Variants in SLC4A4 observed in about 807,000 individuals in gnomAD.
SLC4A4 encodes solute carrier family 4 member 4.
A neutral mutation model predicts 111.5 loss-of-function variants in SLC4A4; 27 were observed. The ratio of observed to expected loss-of-function variants is 0.24; its 90% confidence interval spans 0.18 to 0.33. The LOEUF (loss-of-function observed/expected upper bound fraction) is 0.33, where lower values mean the gene tolerates loss of function less well. SLC4A4 is among the 10% of genes least tolerant of loss of function. The pLI is 1.00. For missense variants in SLC4A4, 909 were observed against 1,315.5 expected, an observed-to-expected ratio of 0.69 and a Z score of 4.78; for synonymous variants, 443 against 463.4, an observed-to-expected ratio of 0.96 and a Z score of 0.57.
intron 14 of SLC4A4, among the ~76,000 whole-genome samples, chr4:71,474,610 A>G (rs1468317327): frequency 1.3e-5 from 2 of 151,890 alleles, no homozygotes; most frequent in Non-Finnish European, 2.9e-5. Context: ...GGCAGTCAGT[A>G]ACACTGATGA....
At chr4:71,176,030 G>A (rs962955234) in intron 2 of SLC4A4, among the ~76,000 whole-genome samples, 9 of 152,204 alleles carry the variant, frequency 5.9e-5, no homozygotes, top group African/African-American at 1.7e-4. Flanking sequence ...AATATCCGCT[G>A]TTCTGTAGCT....
intron 2 of SLC4A4, among the ~76,000 whole-genome samples, chr4:71,161,270 TC>T (rs945859162): frequency 6.6e-6 from 1 of 152,120 alleles, no homozygotes; most frequent in African/African-American, 2.4e-5. Flanking sequence ...TGTTATGGAG[TC>T]AGAAAAGTTG....
intron 6 of SLC4A4, among the ~76,000 whole-genome samples, chr4:71,385,154 G>T (rs1718561270): frequency 8.8e-6 from 1 of 114,028 alleles, no homozygotes; most frequent in African/African-American, 3.3e-5. Context: ...ACTTTTTATT[G>T]TCAATATAGG....
At chr4:71,420,100 C>T (rs1033236124) in intron 7 of SLC4A4, among the ~76,000 whole-genome samples, 9 of 152,070 alleles carry the variant, frequency 5.9e-5, no homozygotes, top group South Asian at 2.1e-4. Context: ...CAAATTTAGA[C>T]GAATGTATAA....
chr4:71,226,190 T>C (rs902401869), intron 1 of SLC4A4, among the ~76,000 whole-genome samples: 24 of 152,304 alleles, frequency 1.6e-4, no homozygotes, highest in Middle Eastern at 3.4e-3. Context: ...CGGAGTGCAG[T>C]GGCTATTCAC....
At chr4:71,150,338 A>T (rs1260717556) in intron 2 of SLC4A4, among the ~76,000 whole-genome samples, 1 of 152,108 alleles carries the variant, frequency 6.6e-6, no homozygotes, top group Non-Finnish European at 1.5e-5. Context: ...AGATGTGGTT[A>T]GGGAAACAGA....
At position 71,131,158 on chromosome 4, in the gene SLC4A4, G is replaced by T. The variant is rs62302396; in HGVS notation, c.-2+38366G>T. ...TAACAACGGCGGATGGGAGAGTGGG[G>T]ATCTGTCTGTCCATCTCATACTAGT... On this transcript the variant is annotated intron_variant, in intron 2 of 26. Coordinates refer to the SLC4A4 transcript ENST00000649996. Among the ~76,000 whole-genome samples the T allele has an allele frequency of 5.4e-3, 823 of 152,276 alleles. 5 individuals carry two copies. The highest frequency in any genetic ancestry group is 9.1e-3 in the Non-Finnish European group (619 of 68,026).
intron 6 of SLC4A4, among the ~76,000 whole-genome samples, chr4:71,386,440 T>C (rs967871435): frequency 3.3e-5 from 5 of 152,136 alleles, no homozygotes; most frequent in African/African-American, 1.2e-4. Flanking sequence ...TGTTCTGGCT[T>C]AGTAGAACTC....
intron 16 of SLC4A4, among the ~76,000 whole-genome samples, chr4:71,503,402 T>C (rs1261791214): frequency 6.6e-6 from 1 of 152,070 alleles, no homozygotes; most frequent in Non-Finnish European, 1.5e-5. Context: ...CTTCCTCTCT[T>C]GTTTACCTCT....
intron 16 of SLC4A4, among the ~76,000 whole-genome samples, chr4:71,506,535 A>AT (rs1305445934): frequency 1.3e-5 from 2 of 152,026 alleles, no homozygotes; most frequent in South Asian, 2.1e-4. Context: ...TTGCACATTG[A>AT]TTTTTTATCC....
rs142287845 is a variant in SLC4A4, at chr4:71,551,837, A to G, written c.2695-3303A>G. On this transcript the variant is annotated intron_variant, in intron 20 of 25. Transcript: ENST00000264485. ...AGTTTCTTCAATGACTAGGAACCAG[A>G]TTGCAAGTCAGTACTTCCTTATCAG... Among the ~76,000 whole-genome samples, 574 of 152,056 alleles carry G rather than the reference A, an allele frequency of 3.8e-3. 5 individuals are homozygous for G. Among genetic ancestry groups the G allele is most frequent in the African/African-American group, 0.013 (541 of 41,518 alleles).
chr4:71,179,891 C>G (rs1449017355), intron 2 of SLC4A4, among the ~76,000 whole-genome samples: 19 of 152,106 alleles, frequency 1.2e-4, no homozygotes, highest in Non-Finnish European at 8.8e-5. Context: ...CCCACATTGC[C>G]AAGTCAATCC....
chr4:71,405,258 T>C (rs770601157), intron 7 of SLC4A4, among the ~76,000 whole-genome samples: 8 of 152,154 alleles, frequency 5.3e-5, no homozygotes, highest in Non-Finnish European at 1.0e-4. Flanking sequence ...AAGTGAAAAT[T>C]CTTAAATTAA....
chr4:71,443,056 A>G (rs542181661), intron 8 of SLC4A4, among the ~76,000 whole-genome samples: 1,319 of 128,832 alleles, frequency 0.01, 15 homozygotes, highest in Non-Finnish European at 0.015. Context: ...GCTTGCTGTC[A>G]TCTTATGTCT....
intron 1 of SLC4A4, among the ~76,000 whole-genome samples, chr4:71,220,176 C>T (rs1251150993): frequency 6.6e-6 from 1 of 152,154 alleles, no homozygotes. Flanking sequence ...ATTGATGAGG[C>T]AAACTTTATT....
chr4:71,236,297 C>A (rs1042804442), intron 1 of SLC4A4: 1 of 1,026,600 alleles, frequency 9.7e-7, no homozygotes, highest in South Asian at 2.7e-5. Context: ...AAGGGGAGAG[C>A]CCCCAACATC....
chr4:71,360,616 A>C (rs1169655402), intron 6 of SLC4A4, among the ~76,000 whole-genome samples: 3 of 152,138 alleles, frequency 2.0e-5, no homozygotes, highest in Non-Finnish European at 4.4e-5. Flanking sequence ...TAATCAACAA[A>C]TGTCACAAAT....
At chr4:71,222,247 A>G (rs928450619) in intron 1 of SLC4A4, among the ~76,000 whole-genome samples, 1 of 152,136 alleles carries the variant, frequency 6.6e-6, no homozygotes, top group Non-Finnish European at 1.5e-5. Context: ...TTGATGTTCC[A>G]GTAATCTTCC....
At chr4:71,120,228 T>C (rs1286000690) in intron 2 of SLC4A4, among the ~76,000 whole-genome samples, 1 of 152,188 alleles carries the variant, frequency 6.6e-6, no homozygotes, top group Non-Finnish European at 1.5e-5. Flanking sequence ...AGGTGCCGCC[T>C]CTAGAGAAGT....
Sources: allele counts gnomAD v4.1 joint callset (sites outside exome capture counted in the v4.1 genomes callset), GRCh38; gene constraint gnomAD v4.1.1; transcripts MANE v1.5; gene names NCBI Gene and HGNC (gene_info 2026-07-23, HGNC 2026-07-21).